The following LCMT1 variants were observed in gnomAD, a reference collection of about 807,000 sequenced individuals.
The protein encoded by LCMT1 is leucine carboxyl methyltransferase 1.
Under a neutral mutation model 47.7 loss-of-function variants are expected in LCMT1, and 32 were observed. The observed-to-expected ratio is 0.67, with a 90% CI of 0.51 to 0.90. The LOEUF (loss-of-function observed/expected upper bound fraction) is 0.90. LCMT1 is among the 40% of genes least tolerant of loss of function. The pLI is 0.00. For missense variants in LCMT1, 375 were observed against 415.2 expected (o/e 0.90, Z 0.84); for synonymous variants, 152 against 149.7 (o/e 1.02, Z -0.11).
At chr16:25,155,605 C>T (rs888068158) in intron 5 of LCMT1, among the ~76,000 whole-genome samples, 5 of 151,912 alleles carry the variant, frequency 3.3e-5, no homozygotes, top group African/African-American at 1.2e-4. Context: ...AACTCCCTAT[C>T]GGATAGGACC....
At chr16:25,128,910 G>GT (rs375586965) in intron 2 of LCMT1, among the ~76,000 whole-genome samples, 6 of 147,190 alleles carry the variant, frequency 4.1e-5, no homozygotes, top group African/African-American at 1.5e-4. Flanking sequence ...CCTGTCAGGG[G>GT]TGGGGGGCAA....
rs537674999 is a variant in LCMT1, at chr16:25,174,346, C to CTCTCTTAAGAGACAACTACCA, written c.885-589_885-569dup. Among the ~76,000 whole-genome samples the CTCTCTTAAGAGACAACTACCA allele has an allele frequency of 4.7e-3, 714 of 152,342 alleles. 4 individuals carry two copies. The highest frequency in any genetic ancestry group is 0.016 in the African/African-American group (678 of 41,566). On this transcript the variant is annotated intron_variant, in intron 9 of 10. Coordinates refer to ENST00000399069, the MANE Select transcript of LCMT1 (RefSeq NM_016309.3). ...CTCCTCACTACTGGTCTACTACCTT[C>CTCTCTTAAGAGACAACTACCA]TCTCTTAAGAGACAACTACCATTTC... is the stretch of plus-strand genomic sequence containing the variant.
chr16:25,175,168 G>T (rs1597610381), intron 10 of LCMT1, 134 bp downstream of exon 10: 1 of 601,246 alleles, frequency 1.7e-6, no homozygotes, highest in South Asian at 2.0e-5. Flanking sequence ...TTGAGACAGG[G>T]TCTCGCTCTG....
Position 25,178,050 on chromosome 16 carries a change from A to C in LCMT1, c.*27A>C. The C allele has an allele frequency of 6.2e-7, 1 of 1,612,674 alleles. No individual in the cohort carries two copies. ...CTGTCGAAGGCTTATGCCGAGCCAG[A>C]AGCCGAAGCCACTTGCCCTCCTGGA... On this transcript the variant is annotated 3_prime_UTR_variant, in exon 11 of 11. Transcript: ENST00000399069.
chr16:25,120,739 G>GTTTTTTTT (rs972134934), intron 1 of LCMT1, among the ~76,000 whole-genome samples: 14 of 103,560 alleles, frequency 1.4e-4, no homozygotes, highest in South Asian at 6.6e-4. Flanking sequence ...TTGTTTTTTT[G>GTTTTTTTT]TTTTTTTTTT....
At chr16:25,129,401 T>C (rs1179187914) in intron 2 of LCMT1, among the ~76,000 whole-genome samples, 1 of 152,212 alleles carries the variant, frequency 6.6e-6, no homozygotes, top group Non-Finnish European at 1.5e-5. Flanking sequence ...TTAATCTTCT[T>C]TAATCTGTCA....
intron 4 of LCMT1, among the ~76,000 whole-genome samples, chr16:25,149,261 C>T (rs1429901134): frequency 6.6e-6 from 1 of 152,112 alleles, no homozygotes; most frequent in Non-Finnish European, 1.5e-5. Context: ...TTTTAAAGCT[C>T]ATCAGCTATT....
At chr16:25,173,882 G>T (rs1056325869) in intron 9 of LCMT1, among the ~76,000 whole-genome samples, 1 of 151,822 alleles carries the variant, frequency 6.6e-6, no homozygotes, top group Non-Finnish European at 1.5e-5. Flanking sequence ...CCATATGTTT[G>T]TGCATGTTTC....
chr16:25,165,438 T>C (rs1201928384), intron 7 of LCMT1, among the ~76,000 whole-genome samples: 1 of 152,174 alleles, frequency 6.6e-6, no homozygotes, highest in Non-Finnish European at 1.5e-5. Flanking sequence ...GTCCATTCTC[T>C]GGAGTTGGGC....
intron 2 of LCMT1, among the ~76,000 whole-genome samples, chr16:25,129,614 A>G (rs538646410): frequency 2.8e-4 from 42 of 152,342 alleles, no homozygotes; most frequent in African/African-American, 9.6e-4. Flanking sequence ...TAATTGGATA[A>G]ATATGGAGAA....
At chr16:25,130,218 T>G (rs1266257890) in intron 2 of LCMT1, among the ~76,000 whole-genome samples, 1 of 151,486 alleles carries the variant, frequency 6.6e-6, no homozygotes, top group Non-Finnish European at 1.5e-5. Flanking sequence ...CGGGTGCCTG[T>G]AGTCCCACCT....
intron 1 of LCMT1, among the ~76,000 whole-genome samples, chr16:25,122,332 G>A (rs1960016364): frequency 6.6e-6 from 1 of 152,014 alleles, no homozygotes; most frequent in Non-Finnish European, 1.5e-5. Flanking sequence ...GTTTGAGACA[G>A]TCTCACTCTG....
chr16:25,123,200 A>C (rs1428844314), intron 1 of LCMT1, among the ~76,000 whole-genome samples: 1 of 150,628 alleles, frequency 6.6e-6, no homozygotes, highest in African/African-American at 2.4e-5. Context: ...GATTTGAGAC[A>C]ACACTTGTAT....
At chr16:25,167,270 A>G (rs1212823846) in intron 7 of LCMT1, among the ~76,000 whole-genome samples, 3 of 151,920 alleles carry the variant, frequency 2.0e-5, no homozygotes, top group African/African-American at 7.3e-5. Context: ...CTCACAAACC[A>G]TGTATTAATT....
At chr16:25,136,657 C>G (rs950396983) in intron 3 of LCMT1, among the ~76,000 whole-genome samples, 1 of 152,050 alleles carries the variant, frequency 6.6e-6, no homozygotes, top group Non-Finnish European at 1.5e-5. Context: ...TCAAGCGATT[C>G]TCCTGCCTCA....
intron 7 of LCMT1, among the ~76,000 whole-genome samples, chr16:25,165,448 C>T (rs987504505): frequency 4.6e-5 from 7 of 152,010 alleles, no homozygotes; most frequent in African/African-American, 1.7e-4. Flanking sequence ...TGGAGTTGGG[C>T]GTTCCTGCTG....
chr16:25,149,081 TG>T (rs2018346606), intron 4 of LCMT1: 1 of 152,184 alleles, frequency 6.6e-6, no homozygotes, highest in South Asian at 2.1e-4. Flanking sequence ...ATGGTTATCT[TG>T]GTTAATGGAC....
chr16:25,172,488 T>G (rs1454954373), intron 9 of LCMT1, among the ~76,000 whole-genome samples: 2 of 152,268 alleles, frequency 1.3e-5, no homozygotes, highest in African/African-American at 4.8e-5. Context: ...ATCACCAACG[T>G]GCATCTGTGT....
chr16:25,139,206 C>T (rs952408395), intron 3 of LCMT1, among the ~76,000 whole-genome samples: 2 of 152,134 alleles, frequency 1.3e-5, no homozygotes, highest in Non-Finnish European at 2.9e-5. Flanking sequence ...CACGGGTGCC[C>T]GGCTTCTTCA....
Sources: gnomAD v4.1 joint callset for allele counts (sites outside exome capture counted in the v4.1 genomes callset) on GRCh38, gnomAD v4.1.1 for gene constraint, MANE v1.5 for transcripts, NCBI Gene and HGNC (gene_info 2026-07-23, HGNC 2026-07-21) for gene names.